Variants in CYP46A1 observed in about 807,000 individuals in gnomAD.
CYP46A1 encodes the protein cholesterol 24-hydroxylase.
In CYP46A1, 20 loss-of-function variants were observed where a neutral mutation model predicts 63.3. That is an observed-to-expected ratio of 0.32 (90% confidence interval 0.22 to 0.46). The LOEUF (loss-of-function observed/expected upper bound fraction) is 0.46, where lower values mean the gene tolerates loss of function less well. Among genes scored for constraint, CYP46A1 ranks in the 20% least tolerant of loss-of-function variants. The pLI is 1.00. For missense variants in CYP46A1, 445 were observed against 670.8 expected, an observed-to-expected ratio of 0.66 and a Z score of 3.72; for synonymous variants, 268 against 273.6, an observed-to-expected ratio of 0.98 and a Z score of 0.20.
In CYP46A1 at chr14:99,716,122, C is replaced by A; in HGVS notation, c.845-15C>A. On this transcript the variant is annotated splice_polypyrimidine_tract_variant and intron_variant, in intron 8 of 14. Transcript: ENST00000261835. The stretch of plus-strand genomic sequence containing the variant: ...CAAAGATTTGCTGGGAACTGAGACT[C>A]TCCTTGTTTTTCAGCTGAAGAGGGA... The A allele has an allele frequency of 6.2e-7, 1 of 1,614,186 alleles. No individual in the cohort carries two copies. The highest frequency in any genetic ancestry group is 8.5e-7 in the Non-Finnish European group (1 of 1,180,002).
chr14:99,726,813 T>G lies in CYP46A1; in HGVS notation c.*86T>G. On this transcript the variant is annotated 3_prime_UTR_variant, in exon 15 of 15. Transcript: ENST00000261835. ...CCCACGGCCACCCACCCTTCTCCCC[T>G]GCCCCGTCCCCTGGGCCACCCTTCA... 1 of 1,146,676 alleles carries G rather than the reference T, an allele frequency of 8.7e-7. No individual in the cohort carries two copies. The highest frequency in any genetic ancestry group is 1.2e-6 in the Non-Finnish European group (1 of 855,996). 71.0% of individuals were successfully genotyped at this position (1,146,676 alleles called of 1,614,324 possible).
At chr14:99,703,900 A>C in intron 5 of CYP46A1, 1 of 983,130 alleles carries the variant, frequency 1.0e-6, no homozygotes, top group Non-Finnish European at 1.2e-6. Flanking sequence ...GGGAAGGAGT[A>C]GACTGGAAAG....
chr14:99,691,211 C>A (rs2056540238), intron 2 of CYP46A1, 50 bp downstream of exon 2: 1 of 1,578,242 alleles, frequency 6.3e-7, no homozygotes, highest in South Asian at 1.1e-5. Context: ...TCCCTTGGGG[C>A]AGCTCCCCCA....
At chr14:99,697,561 G>A (rs1385184362) in intron 3 of CYP46A1, among the ~76,000 whole-genome samples, 1 of 152,170 alleles carries the variant, frequency 6.6e-6, no homozygotes, top group Non-Finnish European at 1.5e-5. Flanking sequence ...CTTCTCTTGA[G>A]GTTCACAATC....
In CYP46A1 at chr14:99,722,644, C is replaced by CATGTGTGT; in HGVS notation, c.1176+578_1176+579insATGTGTGT. Among the ~76,000 whole-genome samples, 1 of 142,262 alleles carries CATGTGTGT rather than the reference C, an allele frequency of 7.0e-6. No homozygotes were observed. 93.3% of individuals were successfully genotyped at this position (142,262 alleles called of 152,430 possible). On this transcript the variant is annotated intron_variant, in intron 12 of 14. Coordinates refer to ENST00000261835, the MANE Select transcript of CYP46A1 (RefSeq NM_006668.2). This position sits in a 1 kb window ranked among gnomAD's most constrained non-coding sequence, Gnocchi z 4.6. ...ATCTGAATTGTGTGTTTGCCATTCC[C>CATGTGTGT]GTGTGTGTGTGTGTGTGTGTGTGTG...
Position 99,700,011 on chromosome 14 carries a change from A to G in CYP46A1, c.357-4A>G, listed in dbSNP as rs199681773. The stretch of plus-strand genomic sequence containing the variant: ...TTCCCGCATCACGTGTGTGTCTCCT[A>G]CAGACTCTTCGGCCAAGGCTTGGTG... On this transcript the variant is annotated splice_polypyrimidine_tract_variant and splice_region_variant and intron_variant, in intron 4 of 14. Coordinates refer to ENST00000261835, the MANE Select transcript of CYP46A1 (RefSeq NM_006668.2). 1.7e-5 allele frequency: 23 copies of G among 1,370,008 alleles called. No individual in the cohort carries two copies. The highest frequency in any genetic ancestry group is 2.1e-5 in the Non-Finnish European group (22 of 1,032,172). 84.9% of individuals were successfully genotyped at this position (1,370,008 alleles called of 1,614,324 possible).
intron 5 of CYP46A1, among the ~76,000 whole-genome samples, chr14:99,704,075 A>G (rs1484145469): frequency 6.6e-6 from 1 of 152,236 alleles, no homozygotes; most frequent in African/African-American, 2.4e-5. Context: ...AAGCATCTCC[A>G]GCACATAGAA....
chr14:99,706,659 CTT>C lies in CYP46A1; in HGVS notation c.457_458del (p.Leu153AsnfsTer9). Reference sequence around the variant, plus strand: ...GCTGTTTCTCCAGCTCCTTGGTTAGCTTAATGGAAACATTCAACGAGAAGGCT... The same window carrying C: ...GCTGTTTCTCCAGCTCCTTGGTTAGCAATGGAAACATTCAACGAGAAGGCT... The part of the protein sequence containing the change: ...LAFSRSSLVS[L>X]METFNEKAEQ... On this transcript the variant is annotated frameshift_variant, in exon 6 of 15. Coordinates refer to ENST00000261835, the MANE Select transcript of CYP46A1 (RefSeq NM_006668.2). LOFTEE classifies it high-confidence loss of function. 1 of 1,613,888 alleles carries C rather than the reference CTT, an allele frequency of 6.2e-7. No individual in the cohort carries two copies. The highest frequency in any genetic ancestry group is 8.5e-7 in the Non-Finnish European group (1 of 1,180,002).
chr14:99,688,185 C>A (rs1224360691), intron 1 of CYP46A1, among the ~76,000 whole-genome samples: 1 of 152,126 alleles, frequency 6.6e-6, no homozygotes, highest in Non-Finnish European at 1.5e-5. Flanking sequence ...TGGGAAGCGA[C>A]AATGAGGACA....
intron 12 of CYP46A1, among the ~76,000 whole-genome samples, chr14:99,723,341 C>T (rs1448264046): frequency 6.6e-6 from 1 of 152,152 alleles, no homozygotes; most frequent in East Asian, 1.9e-4. Context: ...TAGAGTCTTG[C>T]TCTGTCCCCC....
At chr14:99,715,766 C>T in intron 7 of CYP46A1, 44 bp from the exon 8 acceptor site, 1 of 1,613,226 alleles carries the variant, frequency 6.2e-7, no homozygotes. Flanking sequence ...GGAGAGGGAA[C>T]ATGCGTGTTC....
Position 99,725,374 on chromosome 14 carries a change from G to T in CYP46A1, c.1177-17G>T, listed in dbSNP as rs200063751. On this transcript the variant is annotated splice_polypyrimidine_tract_variant and intron_variant, in intron 12 of 14. Transcript: ENST00000261835. This position sits in a 1 kb window ranked among gnomAD's most constrained non-coding sequence, Gnocchi z 4.2. ...AACAACCTGGGAACCAGAGATGAGCGGACCCTTTGCCCGCAGTTCAGCACC... is the reference window on the plus strand; with the variant it reads ...AACAACCTGGGAACCAGAGATGAGCTGACCCTTTGCCCGCAGTTCAGCACC... The T allele has an allele frequency of 2.2e-5, 36 of 1,610,814 alleles. No individual in the cohort carries two copies. The highest frequency in any genetic ancestry group is 3.3e-5 in the Admixed American group (2 of 59,996).
In CYP46A1 at chr14:99,691,020, G is replaced by C. The variant is rs929284790; in HGVS notation, c.120-61G>C. The C allele has an allele frequency of 2.4e-5, 37 of 1,515,940 alleles. 3 individuals are homozygous for C. Among genetic ancestry groups the C allele is most frequent in the Non-Finnish European group, 9.2e-7 (1 of 1,091,794 alleles). 93.9% of individuals were successfully genotyped at this position (1,515,940 alleles called of 1,614,324 possible). A position where few individuals can be genotyped will look rare whatever the true frequency, so the allele number is the denominator to read the frequency against. On this transcript the variant is annotated intron_variant, in intron 1 of 14. Transcript: ENST00000261835. ...GTGGGCCTAGTAATAAGATCTTGTGGGGAAGGGAGCGTTCTTTCCTGTTGA... is the reference window on the plus strand; with the variant it reads ...GTGGGCCTAGTAATAAGATCTTGTGCGGAAGGGAGCGTTCTTTCCTGTTGA...
At chr14:99,697,620 C>T (rs2056597332) in intron 3 of CYP46A1, among the ~76,000 whole-genome samples, 1 of 152,156 alleles carries the variant, frequency 6.6e-6, no homozygotes, top group Non-Finnish European at 1.5e-5. Flanking sequence ...TCATACATTT[C>T]CCAGGTTTTC....
In CYP46A1 at chr14:99,722,727, T is replaced by C. The variant is rs1199994397; in HGVS notation, c.1176+661T>C. On this transcript the variant is annotated intron_variant, in intron 12 of 14. Coordinates refer to ENST00000261835, the MANE Select transcript of CYP46A1 (RefSeq NM_006668.2). The surrounding 1 kb of genome is among the most constrained non-coding windows in gnomAD (Gnocchi z 4.6). ...TATATTGTAGGACTTGTTTTTTGAC[T>C]CAGTATAAAGTTGGTAAGATTTGTG... Among the ~76,000 whole-genome samples, 1 of 151,710 alleles carries C rather than the reference T, an allele frequency of 6.6e-6. No homozygotes were observed. The highest frequency in any genetic ancestry group is 1.5e-5 in the Non-Finnish European group (1 of 67,972).
At chr14:99,704,589 G>A (rs938825722) in intron 5 of CYP46A1, among the ~76,000 whole-genome samples, 7 of 152,306 alleles carry the variant, frequency 4.6e-5, no homozygotes, top group Admixed American at 2.0e-4. Context: ...TTCACCTAAC[G>A]CTGTAGCCCA....
intron 11 of CYP46A1, 114 bp from the exon 12 acceptor site, chr14:99,721,842 G>T (rs1429315229): frequency 3.9e-6 from 3 of 761,586 alleles, no homozygotes; most frequent in African/African-American, 1.7e-5. Flanking sequence ...CCAGGGTGAG[G>T]GTATGCACTC....
intron 1 of CYP46A1, among the ~76,000 whole-genome samples, chr14:99,686,844 G>A (rs1456765138): frequency 6.6e-6 from 1 of 152,096 alleles, no homozygotes; most frequent in Admixed American, 6.5e-5. Context: ...TATATAAAAA[G>A]ATTTTGGATT....
rs1031237326 is a variant in CYP46A1, at chr14:99,699,421, A to T, written c.283-45A>T. Reference sequence around the variant, plus strand: ...TGTCTCAGAAGAGCATCTTGCAGCTACTCATGGGTGCATGAGCCTATGTTG... The same window carrying T: ...TGTCTCAGAAGAGCATCTTGCAGCTTCTCATGGGTGCATGAGCCTATGTTG... On this transcript the variant is annotated intron_variant, in intron 3 of 14. Coordinates refer to ENST00000261835, the MANE Select transcript of CYP46A1 (RefSeq NM_006668.2). 6 of 1,543,784 alleles carry T rather than the reference A, an allele frequency of 3.9e-6. No individual in the cohort carries two copies. In the Admixed American group the frequency reaches 8.3e-5, roughly 21 times the overall value.
Sources: allele counts gnomAD v4.1 joint callset (sites outside exome capture counted in the v4.1 genomes callset), GRCh38; gene constraint gnomAD v4.1.1; non-coding constraint Gnocchi (gnomAD v3.1); transcripts MANE v1.5; gene names NCBI Gene and HGNC (gene_info 2026-07-23, HGNC 2026-07-21).